LCOR: variants seen among roughly 807,000 people sequenced by gnomAD.
LCOR encodes ligand-dependent corepressor.
LCOR carries 14 observed loss-of-function variants against 64.4 expected under a neutral mutation model. The observed-to-expected ratio is 0.22, with a 90% CI of 0.14 to 0.34. LCOR has a LOEUF of 0.34. LCOR is among the 10% of genes least tolerant of loss of function. LCOR has a pLI of 1.00. For missense variants in LCOR, 1,686 were observed against 1,765.3 expected, an observed-to-expected ratio of 0.96 and a Z score of 0.80; for synonymous variants, 643 against 642.5, an observed-to-expected ratio of 1.00 and a Z score of -0.01.
intron 2 of LCOR, among the ~76,000 whole-genome samples, chr10:96,839,565 T>C (rs1589596507): frequency 6.6e-6 from 1 of 152,232 alleles, no homozygotes; most frequent in African/African-American, 2.4e-5. Context: ...TTTCTGAGTT[T>C]AGTGAGAATT....
intron 2 of LCOR, among the ~76,000 whole-genome samples, chr10:96,863,220 T>G (rs78334424): frequency 2.9e-4 from 44 of 150,350 alleles, no homozygotes; most frequent in African/African-American, 6.6e-4. Flanking sequence ...TTTTTTTTTT[T>G]TGTGATGGAG....
At chr10:96,905,154 G>T (rs1846706268) in intron 2 of LCOR, among the ~76,000 whole-genome samples, 1 of 151,976 alleles carries the variant, frequency 6.6e-6, no homozygotes, top group South Asian at 2.1e-4. Flanking sequence ...ATTTTCTTAT[G>T]TCAGATTCTG....
intron 2 of LCOR, among the ~76,000 whole-genome samples, chr10:96,883,903 A>G (rs748171065): frequency 2.6e-4 from 40 of 152,194 alleles, no homozygotes; most frequent in Non-Finnish European, 5.6e-4. Context: ...ACATTGTGTA[A>G]TGGCTAAATC....
At chr10:96,859,142 C>T (rs540344429) in intron 2 of LCOR, among the ~76,000 whole-genome samples, 3 of 152,106 alleles carry the variant, frequency 2.0e-5, no homozygotes, top group East Asian at 3.9e-4. Flanking sequence ...GGAGTTTTAA[C>T]TGATATCATC....
intron 2 of LCOR, among the ~76,000 whole-genome samples, chr10:96,877,361 C>G (rs1230972555): frequency 6.6e-6 from 1 of 151,868 alleles, no homozygotes; most frequent in African/African-American, 2.4e-5. Context: ...CCTATCTCTA[C>G]AAAACATTCA....
chr10:96,889,296 T>C (rs754560076), intron 2 of LCOR, among the ~76,000 whole-genome samples: 1 of 152,236 alleles, frequency 6.6e-6, no homozygotes, highest in Non-Finnish European at 1.5e-5. Context: ...ATCCATGTTG[T>C]ACGTATCAGT....
rs1848218845 is a variant in LCOR, at chr10:96,993,539, GTATAC to G, written c.*8406_*8410del. The G allele has an allele frequency of 6.6e-6, 1 of 152,050 alleles. No individual in the cohort carries two copies. The highest frequency in any genetic ancestry group is 2.4e-5 in the African/African-American group (1 of 41,410). The allele number at this position is 152,050 out of a possible 1,614,324, so 9.4% of individuals were successfully genotyped here. On this transcript the variant is annotated 3_prime_UTR_variant, in exon 8 of 8. Transcript: ENST00000421806. ...TCTAAAAATATTTATTACTTGTGCT[GTATAC>G]AAATTCATGTTCTGAGTGATGTTGG...
intron 4 of LCOR, among the ~76,000 whole-genome samples, chr10:96,937,391 T>C (rs1235319782): frequency 6.6e-6 from 1 of 152,222 alleles, no homozygotes; most frequent in Non-Finnish European, 1.5e-5. Context: ...CCACCCAGTT[T>C]GTGATAAAAT....
At chr10:96,901,710 A>G (rs181254669) in intron 2 of LCOR, among the ~76,000 whole-genome samples, 1 of 152,150 alleles carries the variant, frequency 6.6e-6, no homozygotes, top group African/African-American at 2.4e-5. Context: ...TGTCTTTGAC[A>G]CTTCACTATA....
chr10:96,915,167 C>T (rs1293528280), intron 4 of LCOR, among the ~76,000 whole-genome samples: 1 of 152,118 alleles, frequency 6.6e-6, no homozygotes, highest in African/African-American at 2.4e-5. Flanking sequence ...GACCTATGCC[C>T]CTTCCCCCAA....
chr10:96,920,519 G>T (rs12777701), intron 4 of LCOR, among the ~76,000 whole-genome samples: 14,765 of 93,872 alleles, frequency 0.16, 1,657 homozygotes, highest in African/African-American at 0.29. Flanking sequence ...TGTATATTCA[G>T]ATATATGTGT....
At chr10:96,867,359 G>C (rs1426963225) in intron 2 of LCOR, among the ~76,000 whole-genome samples, 1 of 152,172 alleles carries the variant, frequency 6.6e-6, no homozygotes, top group Non-Finnish European at 1.5e-5. Context: ...TACTTTGTCA[G>C]GCTGAGGTAG....
rs150807488 is a variant in LCOR, at chr10:96,982,150, A to C, written c.1690A>C (p.Asn564His). The C allele has an allele frequency of 2.2e-5, 35 of 1,614,076 alleles. No individual in the cohort carries two copies. In the African/African-American group the frequency reaches 4.4e-4, roughly 20 times the overall value. ...AGATGTGCAGCTTCCCAGAGAAGAC[A>C]ACCCTGAAGAACCTAGCAAGGAAAT... is the stretch of plus-strand genomic sequence containing the variant. ...TVDVQLPRED[N>H]PEEPSKEITS... The change falls in exon 8 of 8, where the codon AAC (asparagine) becomes CAC (histidine). Residue 564 changes from asparagine to histidine, a missense_variant. Asn to His is a moderately conservative substitution (Grantham distance 68, BLOSUM62 1). This residue lies in a region of LCOR where 1,293 missense variants were observed against 1,410.4 expected (regional missense o/e 0.92). Coordinates refer to ENST00000421806, the MANE Select transcript of LCOR (RefSeq NM_001346516.2).
chr10:96,910,585 T>G (rs1290251709), intron 4 of LCOR, among the ~76,000 whole-genome samples: 1 of 152,226 alleles, frequency 6.6e-6, no homozygotes, highest in Non-Finnish European at 1.5e-5. Context: ...TTAAGTATTT[T>G]TTTTGTTTTG....
chr10:96,940,311 T>A (rs1847429915), intron 4 of LCOR, among the ~76,000 whole-genome samples: 1 of 135,988 alleles, frequency 7.4e-6, no homozygotes, highest in African/African-American at 3.0e-5. Context: ...TGATTTTTTT[T>A]TTTTTTTTTT....
chr10:96,952,167 T>G lies in LCOR; in HGVS notation c.303T>G (p.Ser101=). 6.2e-7 allele frequency: 1 copy of G among 1,613,830 alleles called. No homozygotes were observed. The highest frequency in any genetic ancestry group is 8.5e-7 in the Non-Finnish European group (1 of 1,179,704). Residue 101 remains serine, a synonymous_variant, in exon 7 of 8, where the codon TCT becomes TCG. Transcript: ENST00000421806. Reference sequence around the variant, plus strand: ...CTGGCAGCACTTCCCTGAGCCACTCTCCAGGCTGCTCCAGTACTCAAGGGA... The same window carrying G: ...CTGGCAGCACTTCCCTGAGCCACTCGCCAGGCTGCTCCAGTACTCAAGGGA... ...PCAGSTSLSH[S]PGCSSTQGNG...
At chr10:96,911,392 C>T (rs1457714255) in intron 4 of LCOR, among the ~76,000 whole-genome samples, 1 of 152,134 alleles carries the variant, frequency 6.6e-6, no homozygotes, top group Non-Finnish European at 1.5e-5. Flanking sequence ...CCACCACGCC[C>T]TGCCACTCCT....
chr10:96,879,526 G>A (rs1320425179), intron 2 of LCOR, among the ~76,000 whole-genome samples: 1 of 152,310 alleles, frequency 6.6e-6, no homozygotes, highest in African/African-American at 2.4e-5. Flanking sequence ...AAAACAGTAA[G>A]ACTGTTAGTG....
At chr10:96,954,294 G>C (rs891542014) in intron 7 of LCOR, among the ~76,000 whole-genome samples, 2 of 152,028 alleles carry the variant, frequency 1.3e-5, no homozygotes, top group African/African-American at 4.8e-5. Context: ...TTTTGGTTTG[G>C]TTTATTTGGG....
Sources: allele counts gnomAD v4.1 joint callset (sites outside exome capture counted in the v4.1 genomes callset), GRCh38; gene constraint gnomAD v4.1.1; regional missense constraint gnomAD v4.1.1; transcripts MANE v1.5; gene names NCBI Gene and HGNC (gene_info 2026-07-23, HGNC 2026-07-21).